Variants in C19orf44 observed in about 807,000 individuals in gnomAD.
C19orf44 encodes chromosome 19 open reading frame 44, also known as uncharacterized protein C19orf44.
Under a neutral mutation model 50.7 loss-of-function variants are expected in C19orf44, and 43 were observed. The ratio of observed to expected loss-of-function variants is 0.85; its 90% CI spans 0.66 to 1.09. The LOEUF (loss-of-function observed/expected upper bound fraction) is 1.09, where lower values mean the gene tolerates loss of function less well. C19orf44 is among the 50% of genes least tolerant of loss of function. The pLI, the probability that C19orf44 is intolerant of heterozygous loss-of-function variation, is 0.00. For missense variants in C19orf44, 722 were observed against 836.2 expected (o/e 0.86, Z 1.68); for synonymous variants, 298 against 334.7 (o/e 0.89, Z 1.20).
Position 16,520,743 on chromosome 19 carries a change from A to G in C19orf44, c.*690A>G. 1.5e-6 allele frequency: 2 copies of G among 1,369,324 alleles called. No homozygotes were observed. Among genetic ancestry groups the G allele is most frequent in the Non-Finnish European group, 2.1e-6 (2 of 963,800 alleles). 84.8% of individuals were successfully genotyped at this position (1,369,324 alleles called of 1,614,324 possible). A position where few individuals can be genotyped will look rare whatever the true frequency, so the allele number is the denominator to read the frequency against. ...CACAGGCTGTGTGAGGGTGGACGTG[A>G]TGAGTGTATCTGGGGTCTGCTCCCA... On this transcript the variant is annotated 3_prime_UTR_variant, in exon 9 of 9. Coordinates refer to ENST00000221671, the MANE Select transcript of C19orf44 (RefSeq NM_032207.4). This position sits in a 1 kb window ranked among gnomAD's most constrained non-coding sequence, Gnocchi z 4.0.
At chr19:16,514,330 G>A (rs555704103) in intron 6 of C19orf44, among the ~76,000 whole-genome samples, 167 bp from the exon 7 acceptor site, 5 of 151,534 alleles carry the variant, frequency 3.3e-5, no homozygotes, top group East Asian at 3.9e-4. Context: ...GCTGCAGTGC[G>A]CTGTGATGGC....
chr19:16,514,740 G>A, intron 7 of C19orf44, 77 bp downstream of exon 7: 3 of 1,411,320 alleles, frequency 2.1e-6, no homozygotes, highest in Non-Finnish European at 2.8e-6. Flanking sequence ...GAAGGGATAT[G>A]GGCCGGGGCC....
chr19:16,506,130 C>A (rs2093439910), intron 3 of C19orf44, among the ~76,000 whole-genome samples: 1 of 152,100 alleles, frequency 6.6e-6, no homozygotes. Flanking sequence ...CACCCGCCAC[C>A]ACGCCTGGCT....
In C19orf44 at chr19:16,509,919, A is replaced by C; in HGVS notation, c.1570A>C (p.Thr524Pro). 6.2e-7 allele frequency: 1 copy of C among 1,614,278 alleles called. No homozygotes were observed. The highest frequency in any genetic ancestry group is 8.5e-7 in the Non-Finnish European group (1 of 1,180,056). The change falls in exon 5 of 9, where the codon ACA (threonine) becomes CCA (proline). Residue 524 changes from threonine (T) to proline (P), a missense_variant. Thr to Pro is a conservative substitution (Grantham distance 38). Coordinates refer to ENST00000221671, the MANE Select transcript of C19orf44 (RefSeq NM_032207.4). Reference sequence around the variant, plus strand: ...TAGGAAAAAGTCGGGCAGGCACGTGACAAGAGTGCTTGTGAAGGACACAGC... The same window carrying C: ...TAGGAAAAAGTCGGGCAGGCACGTGCCAAGAGTGCTTGTGAAGGACACAGC... Reference protein sequence around the residue: ...ESRKKSGRHVTRVLVKDTAVQ... With the variant: ...ESRKKSGRHVPRVLVKDTAVQ...
At chr19:16,499,704 C>G (rs1415712455) in intron 1 of C19orf44, 1 of 152,158 alleles carries the variant, frequency 6.6e-6, no homozygotes, top group African/African-American at 2.4e-5. Context: ...ATATTTCTAC[C>G]TAGAAAAATA....
chr19:16,521,306 C>T lies in C19orf44; in HGVS notation c.*1253C>T. Reference sequence around the variant, plus strand: ...GAGACGTGCCGCCGTGCCACACCTTCCCTAACTTCTTCTGATGTGTCTCCA... The same window carrying T: ...GAGACGTGCCGCCGTGCCACACCTTTCCTAACTTCTTCTGATGTGTCTCCA... On this transcript the variant is annotated 3_prime_UTR_variant, in exon 9 of 9. Transcript: ENST00000221671. 1 of 579,246 alleles carries T rather than the reference C, an allele frequency of 1.7e-6. No individual in the cohort carries two copies. Among genetic ancestry groups the T allele is most frequent in the Non-Finnish European group, 3.0e-6 (1 of 329,336 alleles). The allele number at this position is 579,246 out of a possible 1,614,324, so 35.9% of individuals were successfully genotyped here.
chr19:16,500,595 G>A (rs745492625), intron 1 of C19orf44, among the ~76,000 whole-genome samples, 197 bp from the exon 2 acceptor site: 4 of 151,856 alleles, frequency 2.6e-5, no homozygotes, highest in Admixed American at 6.6e-5. Context: ...CACCTGCCTC[G>A]GCCTCCCAAA....
In C19orf44 at chr19:16,517,263, ATGGAGGATGCCC is replaced by A. The variant is rs2085545525; in HGVS notation, c.1944_1955del (p.Asp648_Glu651del). The A allele has an allele frequency of 1.2e-6, 2 of 1,614,002 alleles. No individual in the cohort carries two copies. The highest frequency in any genetic ancestry group is 1.7e-6 in the Non-Finnish European group (2 of 1,180,014). On this transcript the variant is annotated inframe_deletion, in exon 8 of 9. Transcript: ENST00000221671. ...GTGCCACAGACCTGCCCCACTGACC[ATGGAGGATGCCC>A]TGGAGGAGGTGAACAAGGAGCTGTG...
intron 4 of C19orf44, 76 bp downstream of exon 4, chr19:16,506,850 T>A (rs983706836): frequency 8.7e-7 from 1 of 1,155,450 alleles, no homozygotes; most frequent in Non-Finnish European, 1.2e-6. Flanking sequence ...TTTTAAAAAA[T>A]TTAAAAATTG....
At chr19:16,509,240 A>C (rs1019170933) in intron 4 of C19orf44, among the ~76,000 whole-genome samples, 9 of 152,118 alleles carry the variant, frequency 5.9e-5, no homozygotes, top group African/African-American at 2.2e-4. Context: ...CCTTAAGTCC[A>C]TGATGAAATG....
At chr19:16,506,040 G>A (rs2093439665) in intron 3 of C19orf44, among the ~76,000 whole-genome samples, 1 of 151,498 alleles carries the variant, frequency 6.6e-6, no homozygotes, top group Admixed American at 6.6e-5. Context: ...GTGCAGTGGT[G>A]TGATCATAGT....
At chr19:16,516,571 A>C (rs1311557340) in intron 7 of C19orf44, among the ~76,000 whole-genome samples, 2 of 152,156 alleles carry the variant, frequency 1.3e-5, no homozygotes, top group African/African-American at 4.8e-5. Context: ...ATGTCCTTTG[A>C]GCCTCTTAAT....
At position 16,500,965 on chromosome 19, in the gene C19orf44, A is replaced by G. The variant is rs773671846; in HGVS notation, c.173A>G (p.Asp58Gly). The G allele has an allele frequency of 6.2e-7, 1 of 1,613,656 alleles. No individual in the cohort carries two copies. Among genetic ancestry groups the G allele is most frequent in the East Asian group, 2.2e-5 (1 of 44,898 alleles). ...TTTCTAAAAAGAAACCAAACTCTAGATGAGAAACACTTACTCCTGAAAGAG... is the reference window on the plus strand; with the variant it reads ...TTTCTAAAAAGAAACCAAACTCTAGGTGAGAAACACTTACTCCTGAAAGAG... ...SRFLKRNQTL[D>G]EKHLLLKENP... is the part of the protein sequence containing the mutation. Residue 58 changes from aspartate to glycine, a missense_variant, in exon 2 of 9, where the codon GAT becomes GGT. Transcript: ENST00000221671.
At chr19:16,517,874 A>C in intron 8 of C19orf44, 1 of 152,532 alleles carries the variant, frequency 6.6e-6, no homozygotes, top group Non-Finnish European at 1.5e-5. Context: ...CTTCTGACTT[A>C]CACATGTGCG....
At chr19:16,517,583 T>A (rs1332796710) in intron 8 of C19orf44, among the ~76,000 whole-genome samples, 2 of 152,166 alleles carry the variant, frequency 1.3e-5, no homozygotes. Flanking sequence ...CCCAGCTCTA[T>A]GACACCACAG....
chr19:16,517,110 T>TC, intron 7 of C19orf44, 120 bp from the exon 8 acceptor site: 3 of 887,820 alleles, frequency 3.4e-6, no homozygotes, highest in Non-Finnish European at 5.3e-6. Flanking sequence ...GTTTTACACT[T>TC]CTGTCACTGA....
Position 16,520,854 on chromosome 19 carries a change from G to T in C19orf44, c.*801G>T. On this transcript the variant is annotated 3_prime_UTR_variant, in exon 9 of 9. Transcript: ENST00000221671. This position sits in a 1 kb window ranked among gnomAD's most constrained non-coding sequence, Gnocchi z 4.0. ...TTCCTCTTCTCCTGGCCTTTCCTCC[G>T]CCGGGCCCGCATTTTTGCTCGGAAG... 1 of 1,613,716 alleles carries T rather than the reference G, an allele frequency of 6.2e-7. No individual in the cohort carries two copies. Among genetic ancestry groups the T allele is most frequent in the Non-Finnish European group, 8.5e-7 (1 of 1,180,022 alleles).
chr19:16,509,935 A>G lies in C19orf44; in HGVS notation c.1586A>G (p.Lys529Arg), dbSNP rs1568497201. ...SGRHVTRVLVKDTAVQTPDPA... is the reference protein window; with the variant it reads ...SGRHVTRVLVRDTAVQTPDPA... ...AGGCACGTGACAAGAGTGCTTGTGA[A>G]GGACACAGCTGTGCAGACGCCAGAT... is the stretch of plus-strand genomic sequence containing the variant. The change falls in exon 5 of 9, where the codon AAG becomes AGG. Residue 529 changes from lysine to arginine, a missense_variant. Coordinates refer to ENST00000221671, the MANE Select transcript of C19orf44 (RefSeq NM_032207.4). 2 of 1,614,242 alleles carry G rather than the reference A, an allele frequency of 1.2e-6. No homozygotes were observed. Among genetic ancestry groups the G allele is most frequent in the Non-Finnish European group, 1.7e-6 (2 of 1,180,050 alleles).
chr19:16,519,920 T>C lies in C19orf44; in HGVS notation c.*41-174T>C. ...GCTGGCCCCCACCCCACGCTCAGCA[T>C]TGAGAGCAGGACACCTCCAACCCAG... On this transcript the variant is annotated intron_variant, in intron 8 of 8. Transcript: ENST00000221671. The surrounding 1 kb of genome is among the most constrained non-coding windows in gnomAD (Gnocchi z 6.0). 6 of 662,746 alleles carry C rather than the reference T, an allele frequency of 9.1e-6. No individual in the cohort carries two copies. The highest frequency in any genetic ancestry group is 3.6e-5 in the South Asian group (2 of 55,722). The allele number at this position is 662,746 out of a possible 1,614,324, so 41.1% of individuals were successfully genotyped here. A position where few individuals can be genotyped will look rare whatever the true frequency, so the allele number is the denominator to read the frequency against.
Sources: gnomAD v4.1 joint callset for allele counts (sites outside exome capture counted in the v4.1 genomes callset) on GRCh38, gnomAD v4.1.1 for gene constraint, Gnocchi (gnomAD v3.1) non-coding constraint, MANE v1.5 for transcripts, NCBI Gene and HGNC (gene_info 2026-07-23, HGNC 2026-07-21) for gene names.